Variants in C1GALT1 observed in about 807,000 individuals in gnomAD.
C1GALT1 encodes the protein core 1 synthase, glycoprotein-N-acetylgalactosamine 3-beta-galactosyltransferase 1.
Under a neutral mutation model 31.0 loss-of-function variants are expected in C1GALT1, and 11 were observed. The ratio of observed to expected loss-of-function variants is 0.36; its 90% CI spans 0.22 to 0.59. C1GALT1 has a LOEUF of 0.59. Ranked by LOEUF, C1GALT1 falls within the 20% of genes least tolerant of loss-of-function variation. C1GALT1 has a pLI of 0.79. For synonymous variants in C1GALT1, 175 were observed against 143.6 expected, an observed-to-expected ratio of 1.22 and a Z score of -1.56; for missense variants, 424 against 425.2, an observed-to-expected ratio of 1.00 and a Z score of 0.03.
At chr7:7,223,835 C>A (rs1782625516) in intron 1 of C1GALT1, among the ~76,000 whole-genome samples, 1 of 152,108 alleles carries the variant, frequency 6.6e-6, no homozygotes, top group South Asian at 2.1e-4. Context: ...GACATCCTTT[C>A]CTTGTTCATG....
rs891480052 is a variant in C1GALT1, at chr7:7,238,619, G to A, written c.585G>A (p.Gly195=). The A allele has an allele frequency of 6.2e-7, 1 of 1,614,084 alleles. No individual in the cohort carries two copies. The highest frequency in any genetic ancestry group is 8.5e-7 in the Non-Finnish European group (1 of 1,179,978). ...ACCCTGAAGAACCCATTTACTTTGGGAGAAGATTTAAGCCTTATGTAAAGC... is the reference window on the plus strand; with the variant it reads ...ACCCTGAAGAACCCATTTACTTTGGAAGAAGATTTAAGCCTTATGTAAAGC... ...KYDPEEPIYF[G]RRFKPYVKQG... The change falls in exon 3 of 4, where the codon GGG becomes GGA. Residue 195 remains glycine, a synonymous_variant. Coordinates refer to ENST00000436587, the MANE Select transcript of C1GALT1 (RefSeq NM_020156.5). This position sits in a 1 kb window ranked among gnomAD's most constrained non-coding sequence, Gnocchi z 5.2.
intron 1 of C1GALT1, among the ~76,000 whole-genome samples, chr7:7,197,307 C>G (rs1360556292): frequency 6.6e-6 from 1 of 152,158 alleles, no homozygotes; most frequent in Non-Finnish European, 1.5e-5. Context: ...GAATCCTTTC[C>G]CCATTGCTTG....
chr7:7,177,317 A>G (rs929934122), intron 2 of C1GALT1, among the ~76,000 whole-genome samples: 1 of 152,192 alleles, frequency 6.6e-6, no homozygotes, highest in Non-Finnish European at 1.5e-5. Flanking sequence ...TCCAGTATAT[A>G]AAGCCTTCCC....
Position 7,161,788 on chromosome 7 carries a change from T to C in C1GALT1, c.-18+4362T>C, listed in dbSNP as rs552147797. ...AATTAGAAATATAGGAAAACATGAA[T>C]ACTTTCCATATTTTCTATGGTAGGT... On this transcript the variant is annotated intron_variant, in intron 2 of 3. Coordinates refer to the C1GALT1 transcript ENST00000429911. Among the ~76,000 whole-genome samples the C allele has an allele frequency of 1.5e-4, 23 of 152,278 alleles. No homozygotes were observed. The East Asian group carries it at 3.7e-3, about 24-fold the overall frequency.
At chr7:7,198,998 C>G (rs937775520) in intron 1 of C1GALT1, among the ~76,000 whole-genome samples, 3 of 151,878 alleles carry the variant, frequency 2.0e-5, no homozygotes, top group Non-Finnish European at 4.4e-5. Context: ...CCTGGATTCA[C>G]TGATTTTTTT....
At chr7:7,175,730 A>G (rs1022973446) in intron 2 of C1GALT1, among the ~76,000 whole-genome samples, 1 of 152,150 alleles carries the variant, frequency 6.6e-6, no homozygotes, top group Non-Finnish European at 1.5e-5. Context: ...CTTAAACAAC[A>G]TAAATTTATT....
intron 1 of C1GALT1, among the ~76,000 whole-genome samples, chr7:7,202,970 T>A (rs55873732): frequency 0.2 from 29,731 of 152,000 alleles, 3,453 homozygotes; most frequent in East Asian, 0.37. Flanking sequence ...TTTCTTTTTT[T>A]TGCTGTTGTA....
intron 1 of C1GALT1, 139 bp from the exon 2 acceptor site, chr7:7,234,164 A>G (rs1358359701): frequency 1.6e-6 from 1 of 645,050 alleles, no homozygotes; most frequent in African/African-American, 1.8e-5. Context: ...AGCAGCAAAT[A>G]GAGGGGTAAA....
Position 7,187,289 on chromosome 7 carries a change from G to A in C1GALT1, c.-18+4469G>A, listed in dbSNP as rs143297553. On this transcript the variant is annotated intron_variant, in intron 1 of 3. Coordinates refer to ENST00000436587, the MANE Select transcript of C1GALT1 (RefSeq NM_020156.5). Reference sequence around the variant, plus strand: ...TTTTGAGACGGAGTCTCACTCTGTCGCCCAGGCTGGAGTGCAGTGGCGCGA... The same window carrying A: ...TTTTGAGACGGAGTCTCACTCTGTCACCCAGGCTGGAGTGCAGTGGCGCGA... Among the ~76,000 whole-genome samples, 755 of 150,180 alleles carry A rather than the reference G, an allele frequency of 5.0e-3. 6 individuals are homozygous for A. The highest frequency in any genetic ancestry group is 0.017 in the African/African-American group (706 of 40,626).
chr7:7,247,353 G>A lies in C1GALT1; in HGVS notation c.*3626G>A, dbSNP rs766767428. 12 of 152,004 alleles carry A rather than the reference G, an allele frequency of 7.9e-5. No homozygotes were observed. The highest frequency in any genetic ancestry group is 1.5e-4 in the Non-Finnish European group (10 of 67,940). 9.4% of individuals were successfully genotyped at this position (152,004 alleles called of 1,614,324 possible). On this transcript the variant is annotated 3_prime_UTR_variant, in exon 4 of 4. Coordinates refer to ENST00000436587, the MANE Select transcript of C1GALT1 (RefSeq NM_020156.5). ...TGATGTCTTATGTTCTCTAATAATGGTATGCTTGTATTTTCTAGTGGGAAG... is the reference window on the plus strand; with the variant it reads ...TGATGTCTTATGTTCTCTAATAATGATATGCTTGTATTTTCTAGTGGGAAG...
chr7:7,239,589 T>C (rs1204320995), intron 3 of C1GALT1, among the ~76,000 whole-genome samples: 1 of 152,198 alleles, frequency 6.6e-6, no homozygotes, highest in Non-Finnish European at 1.5e-5. Flanking sequence ...ACCTGTCTTA[T>C]TTAGTTGTTG....
At chr7:7,211,152 G>A (rs1781986691) in intron 1 of C1GALT1, among the ~76,000 whole-genome samples, 1 of 152,056 alleles carries the variant, frequency 6.6e-6, no homozygotes, top group Admixed American at 6.5e-5. Flanking sequence ...ACCATTTGGA[G>A]ATTGATTGCT....
chr7:7,226,218 T>C (rs1249541838), intron 1 of C1GALT1, among the ~76,000 whole-genome samples: 1 of 134,790 alleles, frequency 7.4e-6, no homozygotes, highest in African/African-American at 3.1e-5. Flanking sequence ...TGGGAAAATA[T>C]AAAGATGTAT....
intron 1 of C1GALT1, among the ~76,000 whole-genome samples, chr7:7,220,224 G>A (rs1272171369): frequency 1.3e-5 from 2 of 152,178 alleles, no homozygotes; most frequent in African/African-American, 4.8e-5. Flanking sequence ...AGCCAGCATA[G>A]GGTTGTGGAA....
chr7:7,180,631 G>T (rs1468856340), upstream of C1GALT1, among the ~76,000 whole-genome samples: 1 of 152,140 alleles, frequency 6.6e-6, no homozygotes, highest in Non-Finnish European at 1.5e-5. Flanking sequence ...TTAAGAAATG[G>T]TTATCTCTAT....
At chr7:7,213,729 C>T (rs907318576) in intron 1 of C1GALT1, among the ~76,000 whole-genome samples, 18 of 152,230 alleles carry the variant, frequency 1.2e-4, no homozygotes, top group South Asian at 8.3e-4. Context: ...TAAATGAAAC[C>T]TTATGGATTA....
At chr7:7,236,603 C>A (rs1036182899) in intron 2 of C1GALT1, among the ~76,000 whole-genome samples, 1 of 151,862 alleles carries the variant, frequency 6.6e-6, no homozygotes, top group Non-Finnish European at 1.5e-5. Context: ...CTCACTGCAA[C>A]CTCCGCCTCC....
Position 7,162,353 on chromosome 7 carries a change from A to G in C1GALT1, c.-18+4927A>G, listed in dbSNP as rs867407503. Among the ~76,000 whole-genome samples, 940 of 143,898 alleles carry G rather than the reference A, an allele frequency of 6.5e-3. 16 individuals are homozygous for G. The highest frequency in any genetic ancestry group is 0.023 in the African/African-American group (901 of 38,662). 94.4% of individuals were successfully genotyped at this position (143,898 alleles called of 152,430 possible). On this transcript the variant is annotated intron_variant, in intron 2 of 3. Transcript: ENST00000429911. ...ATTGTTCAATTCCCATCTATGAGTG[A>G]GAACATGTGGTGTTTGGTTTTTTGT...
intron 2 of C1GALT1, among the ~76,000 whole-genome samples, chr7:7,164,835 C>T (rs1265515746): frequency 6.6e-6 from 1 of 152,084 alleles, no homozygotes; most frequent in African/African-American, 2.4e-5. Context: ...TGGCAGCACT[C>T]CCAATAGTTG....
Sources: gnomAD v4.1 joint callset for allele counts (sites outside exome capture counted in the v4.1 genomes callset) on GRCh38, gnomAD v4.1.1 for gene constraint, Gnocchi (gnomAD v3.1) non-coding constraint, MANE v1.5 for transcripts, NCBI Gene and HGNC (gene_info 2026-07-23, HGNC 2026-07-21) for gene names.